COG5: variants seen among roughly 807,000 people sequenced by gnomAD.
The protein encoded by COG5 is component of oligomeric golgi complex 5, also known as conserved oligomeric Golgi complex subunit 5.
A neutral mutation model predicts 110.4 loss-of-function variants in COG5; 86 were observed. The observed-to-expected ratio is 0.78, with a 90% CI of 0.65 to 0.93. The LOEUF is 0.93. Ranked by LOEUF, COG5 falls within the 40% of genes least tolerant of loss-of-function variation. COG5 has a pLI of 0.00. For synonymous variants in COG5, 360 were observed against 334.6 expected (o/e 1.08, Z -0.83); for missense variants, 1,077 against 987.0 (o/e 1.09, Z -1.22).
At chr7:107,461,193 T>A (rs1795969449) in intron 6 of COG5, among the ~76,000 whole-genome samples, 1 of 152,070 alleles carries the variant, frequency 6.6e-6, no homozygotes, top group African/African-American at 2.4e-5. Flanking sequence ...AAAGATTTTT[T>A]AAAAATAATT....
intron 5 of COG5, among the ~76,000 whole-genome samples, chr7:107,542,914 G>A (rs546715692): frequency 4.0e-5 from 6 of 150,882 alleles, no homozygotes; most frequent in East Asian, 2.0e-4. Context: ...GGAGGCTGCA[G>A]TGAGCCAAGA....
intron 19 of COG5, among the ~76,000 whole-genome samples, chr7:107,218,243 G>A (rs1799663758): frequency 6.6e-6 from 1 of 152,032 alleles, no homozygotes; most frequent in South Asian, 2.1e-4. Flanking sequence ...TCACGGACTT[G>A]AAGAATTAAT....
intron 7 of COG5, among the ~76,000 whole-genome samples, chr7:107,384,966 A>C (rs1311291709): frequency 6.6e-6 from 1 of 152,230 alleles, no homozygotes; most frequent in Non-Finnish European, 1.5e-5. Context: ...GAGTTGAACA[A>C]TGTCCTTCCA....
chr7:107,399,701 T>C (rs1374777446), intron 7 of COG5, among the ~76,000 whole-genome samples: 2 of 152,306 alleles, frequency 1.3e-5, no homozygotes, highest in Middle Eastern at 3.4e-3. Context: ...AATGCAAAAT[T>C]TGATAGAAGA....
chr7:107,427,590 G>C (rs562535424), intron 6 of COG5, among the ~76,000 whole-genome samples: 3 of 151,802 alleles, frequency 2.0e-5, no homozygotes, highest in African/African-American at 7.3e-5. Context: ...GATTTTTCTC[G>C]GTGACTTTTG....
intron 5 of COG5, among the ~76,000 whole-genome samples, chr7:107,540,355 T>C (rs548695526): frequency 6.6e-6 from 1 of 151,746 alleles, no homozygotes; most frequent in East Asian, 1.9e-4. Context: ...GAGTATCACT[T>C]GAGGCCAGGA....
At chr7:107,516,461 T>C (rs1182128296) in intron 6 of COG5, among the ~76,000 whole-genome samples, 1 of 152,260 alleles carries the variant, frequency 6.6e-6, no homozygotes, top group Admixed American at 6.5e-5. Context: ...TCTTAAATTT[T>C]GATGAAATCT....
At chr7:107,280,507 T>C (rs1805080294) in intron 14 of COG5, among the ~76,000 whole-genome samples, 1 of 151,998 alleles carries the variant, frequency 6.6e-6, no homozygotes, top group Non-Finnish European at 1.5e-5. Context: ...CAACCGGGAA[T>C]GGTTAGAGAG....
At position 107,211,200 on chromosome 7, in the gene COG5, G is replaced by A. The variant is rs746743097; in HGVS notation, c.2194C>T (p.His732Tyr). Residue 732 changes from histidine to tyrosine, a missense_variant, in exon 20 of 22, where the codon CAT (histidine) becomes TAT (tyrosine). Coordinates refer to ENST00000297135, the MANE Select transcript of COG5 (RefSeq NM_006348.5). ...FRPLLFQASE[H>Y]VASSPALGDV... is the part of the protein sequence containing the mutation. Reference sequence around the variant, plus strand: ...CCCAATGCAGGACTACTGGCTACATGTTCACTTGCCTGGAAGAGCAGAGGT... The same window carrying A: ...CCCAATGCAGGACTACTGGCTACATATTCACTTGCCTGGAAGAGCAGAGGT... 2 of 1,614,040 alleles carry A rather than the reference G, an allele frequency of 1.2e-6. No homozygotes were observed. The highest frequency in any genetic ancestry group is 1.7e-6 in the Non-Finnish European group (2 of 1,179,924).
chr7:107,266,076 A>ATAC (rs1268680068), intron 14 of COG5, among the ~76,000 whole-genome samples: 1 of 151,904 alleles, frequency 6.6e-6, no homozygotes, highest in East Asian at 1.9e-4. Flanking sequence ...AATAATAATA[A>ATAC]TACACACACA....
At chr7:107,447,463 A>C (rs1393651552) in intron 6 of COG5, among the ~76,000 whole-genome samples, 1 of 152,198 alleles carries the variant, frequency 6.6e-6, no homozygotes, top group East Asian at 1.9e-4. Flanking sequence ...TGTTGTTTTA[A>C]ACTTTCACTT....
At chr7:107,278,069 A>G (rs1804846547) in intron 14 of COG5, among the ~76,000 whole-genome samples, 4 of 152,174 alleles carry the variant, frequency 2.6e-5, no homozygotes. Context: ...AGAGACTTCT[A>G]TAACCAATCT....
intron 6 of COG5, among the ~76,000 whole-genome samples, chr7:107,483,716 A>G (rs1388738087): frequency 1.3e-5 from 2 of 152,104 alleles, no homozygotes; most frequent in African/African-American, 4.8e-5. Context: ...TAAAAAAAAA[A>G]AAAAAGATAC....
At chr7:107,560,054 G>C (rs1232783351) in intron 1 of COG5, among the ~76,000 whole-genome samples, 1 of 152,194 alleles carries the variant, frequency 6.6e-6, no homozygotes, top group Non-Finnish European at 1.5e-5. Context: ...GAGGATGATG[G>C]AAAAAGGATT....
intron 6 of COG5, among the ~76,000 whole-genome samples, chr7:107,515,272 T>A (rs1011307418): frequency 6.6e-6 from 1 of 152,120 alleles, no homozygotes; most frequent in Non-Finnish European, 1.5e-5. Context: ...AGACTCAATA[T>A]GTGGGATATA....
intron 17 of COG5, among the ~76,000 whole-genome samples, chr7:107,238,215 T>C (rs773170670): frequency 6.6e-6 from 1 of 152,216 alleles, no homozygotes; most frequent in Non-Finnish European, 1.5e-5. Context: ...TCGGTTGTTT[T>C]AGACAACAGA....
At chr7:107,543,246 G>A (rs1044376086) in intron 5 of COG5, among the ~76,000 whole-genome samples, 4 of 152,136 alleles carry the variant, frequency 2.6e-5, no homozygotes, top group African/African-American at 9.7e-5. Context: ...GAAATAAAAA[G>A]AGGCACATTG....
At chr7:107,391,505 T>C (rs1021032276) in intron 7 of COG5, among the ~76,000 whole-genome samples, 1 of 152,188 alleles carries the variant, frequency 6.6e-6, no homozygotes, top group Non-Finnish European at 1.5e-5. Flanking sequence ...CATTTGTCTA[T>C]TTTTGCTTTT....
At chr7:107,414,832 A>G (rs959326885) in intron 6 of COG5, among the ~76,000 whole-genome samples, 23 of 144,544 alleles carry the variant, frequency 1.6e-4, no homozygotes, top group African/African-American at 5.6e-4. Flanking sequence ...GTTCAAAGTG[A>G]TTCCCCTGCC....
Sources: gnomAD v4.1 joint callset for allele counts (sites outside exome capture counted in the v4.1 genomes callset) on GRCh38, gnomAD v4.1.1 for gene constraint, MANE v1.5 for transcripts, NCBI Gene and HGNC (gene_info 2026-07-23, HGNC 2026-07-21) for gene names.